Variants in WARS2 observed in about 807,000 individuals in gnomAD.
WARS2 encodes tryptophanyl tRNA synthetase 2, mitochondrial.
A neutral mutation model predicts 36.5 loss-of-function variants in WARS2; 28 were observed. That is an observed-to-expected ratio of 0.77 (90% CI 0.57 to 1.05). The LOEUF (loss-of-function observed/expected upper bound fraction) is 1.05, where lower values mean the gene tolerates loss of function less well. WARS2 is among the 50% of genes least tolerant of loss of function. The probability of loss-of-function intolerance (pLI) is 0.00; values close to 1 mark genes in which losing one functional copy is unlikely to be tolerated. For missense variants in WARS2, 435 were observed against 456.8 expected (o/e 0.95, Z 0.44); for synonymous variants, 174 against 178.4 (o/e 0.98, Z 0.20).
rs529353953 is a variant in WARS2 at position 119,039,152 on chromosome 1, C to A, written c.515+3112G>T. On this transcript the variant is annotated intron_variant, in intron 4 of 5. Transcript: ENST00000235521. The stretch of plus-strand genomic sequence containing the variant: ...ATAATGCCACCCACTTATTTCATAG[C>A]CCTATTGTGAGAACTGAATAGATAA... 4.6e-5 allele frequency among the ~76,000 whole-genome samples: 7 copies of A among 152,262 alleles called. 1 individual carries two copies. In the South Asian group the frequency reaches 1.5e-3, roughly 32 times the overall value.
At chr1:119,088,742 T>C (rs1652846022) in intron 1 of WARS2, among the ~76,000 whole-genome samples, 1 of 152,158 alleles carries the variant, frequency 6.6e-6, no homozygotes, top group Admixed American at 6.5e-5. Context: ...TCCAATTCCA[T>C]AAATCTCTAT....
At chr1:119,119,718 A>G (rs1655213039) in intron 1 of WARS2, among the ~76,000 whole-genome samples, 1 of 152,102 alleles carries the variant, frequency 6.6e-6, no homozygotes. Flanking sequence ...ACTCTCTCAG[A>G]CCACAGTGGA....
intron 2 of WARS2, among the ~76,000 whole-genome samples, chr1:119,045,986 A>G (rs1423325010): frequency 1.3e-5 from 2 of 152,070 alleles, no homozygotes; most frequent in East Asian, 3.9e-4. Flanking sequence ...AGCCAAGCTT[A>G]TTAAGAAGGC....
At position 119,108,996 on chromosome 1, in the gene WARS2, G is replaced by A. The variant is rs181305602; in HGVS notation, c.90+31559C>T. On this transcript the variant is annotated intron_variant, in intron 1 of 5. Transcript: ENST00000235521. ...AGCACCGTGTTATTATAAGTTTGTT[G>A]TTTAATCATCAAGTATTTGAGGATT... 5.3e-5 allele frequency among the ~76,000 whole-genome samples: 8 copies of A among 151,936 alleles called. No individual in the cohort carries two copies. In the East Asian group the frequency reaches 1.5e-3, roughly 29 times the overall value.
intron 4 of WARS2, among the ~76,000 whole-genome samples, chr1:119,035,408 A>C (rs1296092135): frequency 1.3e-5 from 2 of 152,210 alleles, no homozygotes; most frequent in Admixed American, 1.3e-4. Context: ...CTGTAAAGTG[A>C]GGTTCATCAT....
chr1:119,058,757 C>T (rs1396393261), intron 2 of WARS2, among the ~76,000 whole-genome samples: 12 of 127,218 alleles, frequency 9.4e-5, no homozygotes, highest in Admixed American at 5.0e-4. Flanking sequence ...TGAATAGTGC[C>T]GCAATAAACA....
chr1:119,036,045 A>G (rs929298585), intron 4 of WARS2, among the ~76,000 whole-genome samples: 2 of 152,094 alleles, frequency 1.3e-5, no homozygotes, highest in Admixed American at 1.3e-4. Context: ...TCCCTGTTAA[A>G]AATACATAAT....
chr1:119,109,371 G>A (rs2101492079), intron 1 of WARS2, among the ~76,000 whole-genome samples: 2 of 151,962 alleles, frequency 1.3e-5, no homozygotes, highest in East Asian at 3.9e-4. Context: ...TTTACACTTT[G>A]ATGTTAGGCA....
rs75040541 is a variant in WARS2, at chr1:119,033,045, T to A, written c.949A>T (p.Ile317Phe). 6.2e-7 allele frequency: 1 copy of A among 1,614,248 alleles called. No individual in the cohort carries two copies. The highest frequency in any genetic ancestry group is 1.1e-5 in the South Asian group (1 of 91,086). The change falls in exon 6 of 6, where the codon ATT becomes TTT. Residue 317 changes from isoleucine (I) to phenylalanine (F), a missense_variant. Ile to Phe is a conservative substitution (Grantham distance 21). Transcript: ENST00000235521. ...ADAVIEKFAPIKREIEKLKLD... is the reference protein window; with the variant it reads ...ADAVIEKFAPFKREIEKLKLD... ...TTCAGTTTTTCAATTTCACGCTTAA[T>A]TGGGGCAAACTTCTCAATCACAGCA...
chr1:119,108,176 T>G (rs1391466614), intron 1 of WARS2, among the ~76,000 whole-genome samples: 1 of 152,024 alleles, frequency 6.6e-6, no homozygotes, highest in Non-Finnish European at 1.5e-5. Context: ...CTTTTATTGG[T>G]ATAGGGTAAT....
Position 119,066,260 on chromosome 1 carries a change from A to G in WARS2, c.348+10090T>C, listed in dbSNP as rs556644897. On this transcript the variant is annotated intron_variant, in intron 2 of 5. Transcript: ENST00000235521. ...TGGGAGGCTAAGGTGGGCGGATCAC[A>G]AGGTCAGGAGATCGAGAACCATCCT... 4.1e-3 allele frequency among the ~76,000 whole-genome samples: 628 copies of G among 152,176 alleles called. 5 individuals are homozygous for G. Among genetic ancestry groups the G allele is most frequent in the African/African-American group, 0.013 (540 of 41,548 alleles).
chr1:119,125,140 G>C (rs1286645511), intron 1 of WARS2, among the ~76,000 whole-genome samples: 1 of 152,128 alleles, frequency 6.6e-6, no homozygotes, highest in East Asian at 1.9e-4. Context: ...AGCCATACTG[G>C]CCTCTATGCT....
chr1:119,043,902 C>T (rs1328330617), intron 3 of WARS2, among the ~76,000 whole-genome samples: 2 of 152,136 alleles, frequency 1.3e-5, no homozygotes, highest in African/African-American at 4.8e-5. Context: ...CCTCACCCCA[C>T]CCTTCTGTGC....
Position 119,121,582 on chromosome 1 carries a change from C to CA in WARS2, c.90+18972dup, listed in dbSNP as rs1159528836. On this transcript the variant is annotated intron_variant, in intron 1 of 5. Transcript: ENST00000235521. ...GTAAGAAAAAAAAAGCCCACATAGC[C>CA]AAAGCAAGACTAGGCAAAAAGAACA... is the stretch of plus-strand genomic sequence containing the variant. Among the ~76,000 whole-genome samples, 7 of 152,070 alleles carry CA rather than the reference C, an allele frequency of 4.6e-5. No homozygotes were observed. The South Asian group carries it at 1.5e-3, about 32-fold the overall frequency.
chr1:119,071,648 T>A lies in WARS2; in HGVS notation c.348+4702A>T, dbSNP rs116821374. Among the ~76,000 whole-genome samples the A allele has an allele frequency of 8.4e-3, 1,270 of 152,088 alleles. 20 individuals are homozygous for A. The highest frequency in any genetic ancestry group is 0.029 in the African/African-American group (1,191 of 41,490). ...TGTGAAATCTAAAAAATCGAGCTCA[T>A]AGAAGCACAGTAGAATGGGGCAAGA... On this transcript the variant is annotated intron_variant, in intron 2 of 5. Coordinates refer to ENST00000235521, the MANE Select transcript of WARS2 (RefSeq NM_015836.4).
intron 2 of WARS2, among the ~76,000 whole-genome samples, chr1:119,068,126 C>G (rs1285114329): frequency 6.6e-6 from 1 of 152,222 alleles, no homozygotes; most frequent in Non-Finnish European, 1.5e-5. Flanking sequence ...TCCAAGTCCA[C>G]TAATCTACGC....
At chr1:119,064,510 A>G (rs1203939574) in intron 2 of WARS2, 1 of 152,208 alleles carries the variant, frequency 6.6e-6, no homozygotes. Context: ...CTATGTCCCC[A>G]CATAATCTCA....
intron 1 of WARS2, among the ~76,000 whole-genome samples, chr1:119,134,698 C>A (rs982199517): frequency 6.6e-6 from 1 of 152,178 alleles, no homozygotes; most frequent in East Asian, 1.9e-4. Flanking sequence ...GTCAGCATAT[C>A]ATCTCTGTGC....
intron 1 of WARS2, among the ~76,000 whole-genome samples, chr1:119,099,674 T>C (rs1653719408): frequency 6.6e-6 from 1 of 152,178 alleles, no homozygotes; most frequent in African/African-American, 2.4e-5. Flanking sequence ...GGAAATAAAT[T>C]TGGAATAGGC....
Sources: allele counts gnomAD v4.1 joint callset (sites outside exome capture counted in the v4.1 genomes callset), GRCh38; gene constraint gnomAD v4.1.1; transcripts MANE v1.5; gene names NCBI Gene and HGNC (gene_info 2026-07-23, HGNC 2026-07-21).